Variants in PARVB observed in about 807,000 individuals in gnomAD.
The protein encoded by PARVB is parvin beta, also known as beta-parvin.
Under a neutral mutation model 47.0 loss-of-function variants are expected in PARVB, and 46 were observed. That is an observed-to-expected ratio of 0.98 (90% CI 0.77 to 1.25). The LOEUF is 1.25. Ranked by LOEUF, PARVB falls within the 50% of genes most tolerant of loss-of-function variation. PARVB has a pLI of 0.00. For synonymous variants in PARVB, 196 were observed against 196.3 expected (o/e 1.00, Z 0.01); for missense variants, 473 against 471.6 (o/e 1.00, Z -0.03).
chr22:44,018,417 A>T (rs1016524803), intron 2 of PARVB, among the ~76,000 whole-genome samples: 1 of 152,092 alleles, frequency 6.6e-6, no homozygotes, highest in Admixed American at 6.6e-5. Context: ...AAACAAACAA[A>T]AAACTAACCA....
At position 44,140,377 on chromosome 22, in the gene PARVB, G is replaced by C. The variant is rs560201861; in HGVS notation, c.712+234G>C. ...TGTGCTAGGAGGAGTGGGGTGGAAG[G>C]CTGGGTGACCAGCTAGGGGAGCAGG... On this transcript the variant is annotated intron_variant, in intron 8 of 12. Coordinates refer to ENST00000338758, the MANE Select transcript of PARVB (RefSeq NM_013327.5). 3.6e-3 allele frequency: 2,574 copies of C among 715,538 alleles called. 18 individuals are homozygous for C. The highest frequency in any genetic ancestry group is 0.021 in the Middle Eastern group (76 of 3,588). The allele number at this position is 715,538 out of a possible 1,614,324, so 44.3% of individuals were successfully genotyped here.
rs113901546 is a variant in PARVB at position 44,086,927 on chromosome 22, G to A, written c.113-7001G>A. On this transcript the variant is annotated intron_variant, in intron 1 of 12. Coordinates refer to ENST00000338758, the MANE Select transcript of PARVB (RefSeq NM_013327.5). ...TTTGGGTTCCTGCTTAAGCCCAAGC[G>A]AAGGATCCCGATGCCCCCTCCCCAG... 11 of 700,078 alleles carry A rather than the reference G, an allele frequency of 1.6e-5. 1 individual carries two copies. The South Asian group carries it at 2.6e-4, about 16-fold the overall frequency. 43.4% of individuals were successfully genotyped at this position (700,078 alleles called of 1,614,324 possible). A position where few individuals can be genotyped will look rare whatever the true frequency, so the allele number is the denominator to read the frequency against.
chr22:44,094,491 T>C (rs150432776), intron 2 of PARVB, among the ~76,000 whole-genome samples: 270 of 152,196 alleles, frequency 1.8e-3, no homozygotes, highest in African/African-American at 6.3e-3. Flanking sequence ...ATTTGATATT[T>C]TATGTATATA....
intron 4 of PARVB, among the ~76,000 whole-genome samples, chr22:44,131,102 C>CTCCT (rs1261311572): frequency 4.2e-5 from 5 of 119,516 alleles, no homozygotes; most frequent in East Asian, 2.9e-4. Flanking sequence ...CTCTCTCTCT[C>CTCCT]TCCTTCCTTC....
At chr22:44,055,243 C>A (rs947924561) in intron 1 of PARVB, among the ~76,000 whole-genome samples, 3 of 152,160 alleles carry the variant, frequency 2.0e-5, no homozygotes, top group African/African-American at 7.2e-5. Flanking sequence ...CCCTCCCCAC[C>A]AGAGGTGACC....
At chr22:44,096,969 A>AC (rs1418748796) in intron 2 of PARVB, among the ~76,000 whole-genome samples, 4 of 151,184 alleles carry the variant, frequency 2.6e-5, no homozygotes, top group Non-Finnish European at 5.9e-5. Context: ...CCCATGTCTG[A>AC]CCCCCCGGCA....
intron 11 of PARVB, among the ~76,000 whole-genome samples, chr22:44,163,633 C>T (rs2054099194): frequency 1.3e-5 from 2 of 152,220 alleles, no homozygotes; most frequent in African/African-American, 2.4e-5. Context: ...CAGCCCAGAT[C>T]ACTGGTGTGA....
At chr22:44,042,281 C>A (rs1286638506) in intron 1 of PARVB, among the ~76,000 whole-genome samples, 1 of 152,138 alleles carries the variant, frequency 6.6e-6, no homozygotes, top group African/African-American at 2.4e-5. Context: ...ATTAGCCAGG[C>A]CTGGTGGTGG....
chr22:44,165,452 C>T (rs373457130), intron 12 of PARVB, among the ~76,000 whole-genome samples: 25 of 152,314 alleles, frequency 1.6e-4, no homozygotes, highest in Admixed American at 7.2e-4. Context: ...GATACCGGCC[C>T]GGCCTGGGTC....
At chr22:44,042,415 C>T (rs917761088) in intron 1 of PARVB, among the ~76,000 whole-genome samples, 1 of 152,084 alleles carries the variant, frequency 6.6e-6, no homozygotes, top group Non-Finnish European at 1.5e-5. Flanking sequence ...AGCGAGACTC[C>T]GAAGTGAAGG....
chr22:44,090,399 C>T lies in PARVB; in HGVS notation c.113-3529C>T, dbSNP rs77612894. ...TGCTGAGCAGTCCCTGGGCGGTGTT[C>T]GTGAGCACGTTTCTCATTTATTAAG... On this transcript the variant is annotated intron_variant, in intron 1 of 12. Transcript: ENST00000338758. 5.8e-3 allele frequency among the ~76,000 whole-genome samples: 879 copies of T among 152,320 alleles called. 14 individuals are homozygous for T. Among genetic ancestry groups the T allele is most frequent in the African/African-American group, 0.02 (852 of 41,568 alleles).
chr22:44,087,458 C>T (rs997795456), intron 1 of PARVB, among the ~76,000 whole-genome samples: 5 of 152,324 alleles, frequency 3.3e-5, no homozygotes, highest in South Asian at 4.1e-4. Context: ...CTCTTGGGCC[C>T]GTGATTGCAG....
At chr22:44,166,205 G>A (rs1220152198) in intron 12 of PARVB, among the ~76,000 whole-genome samples, 2 of 152,190 alleles carry the variant, frequency 1.3e-5, no homozygotes, top group Admixed American at 6.5e-5. Context: ...CGCCTCCTAG[G>A]TTCAAGCAAC....
intron 1 of PARVB, among the ~76,000 whole-genome samples, chr22:44,067,670 C>T (rs1048600328): frequency 1.3e-5 from 2 of 152,222 alleles, no homozygotes; most frequent in African/African-American, 4.8e-5. Context: ...CTGTCCTGGC[C>T]TTGGATTCCT....
At chr22:44,109,886 G>A (rs943555839) in intron 3 of PARVB, 5 of 151,850 alleles carry the variant, frequency 3.3e-5, no homozygotes, top group African/African-American at 1.2e-4. Context: ...GGCCGAGGCG[G>A]GCGGATCACG....
At chr22:44,015,871 C>T (rs2050571352) in intron 2 of PARVB, among the ~76,000 whole-genome samples, 1 of 152,068 alleles carries the variant, frequency 6.6e-6, no homozygotes, top group South Asian at 2.1e-4. Flanking sequence ...CAACTTTTAA[C>T]ACCTTATACA....
intron 2 of PARVB, among the ~76,000 whole-genome samples, chr22:44,009,306 A>G (rs1389170429): frequency 6.6e-6 from 1 of 152,210 alleles, no homozygotes; most frequent in African/African-American, 2.4e-5. Context: ...ACCCAAACCC[A>G]TGAAAGTTTC....
At chr22:44,077,135 C>T (rs1601566642) in intron 1 of PARVB, among the ~76,000 whole-genome samples, 1 of 152,292 alleles carries the variant, frequency 6.6e-6, no homozygotes, top group East Asian at 1.9e-4. Context: ...GTGGCTTAAA[C>T]AACAGAAACA....
rs191182044 is a variant in PARVB, at chr22:44,170,934, G to A, written c.*2256G>A. 1 of 152,354 alleles carries A rather than the reference G, an allele frequency of 6.6e-6. No individual in the cohort carries two copies. 9.4% of individuals were successfully genotyped at this position (152,354 alleles called of 1,614,324 possible). On this transcript the variant is annotated 3_prime_UTR_variant, in exon 13 of 13. Coordinates refer to ENST00000338758, the MANE Select transcript of PARVB (RefSeq NM_013327.5). The stretch of plus-strand genomic sequence containing the variant: ...CTCAGTTCCGGCTGTTGCTAGGCTG[G>A]GGATGGGTTCAGAATAGCCATTTTG...
Sources: gnomAD v4.1 joint callset for allele counts (sites outside exome capture counted in the v4.1 genomes callset) on GRCh38, gnomAD v4.1.1 for gene constraint, MANE v1.5 for transcripts, NCBI Gene and HGNC (gene_info 2026-07-23, HGNC 2026-07-21) for gene names.